JAZF1: variants seen among roughly 807,000 people sequenced by gnomAD.
JAZF1 encodes the protein juxtaposed with another zinc finger protein 1.
A neutral mutation model predicts 26.4 loss-of-function variants in JAZF1; 8 were observed. That is an observed-to-expected ratio of 0.30 (90% CI 0.18 to 0.55). JAZF1 has a LOEUF of 0.55. Among genes scored for constraint, JAZF1 ranks in the 20% least tolerant of loss-of-function variants. The probability of loss-of-function intolerance (pLI) is 0.94; values close to 1 mark genes in which losing one functional copy is unlikely to be tolerated. For missense variants in JAZF1, 199 were observed against 322.0 expected, an observed-to-expected ratio of 0.62 and a Z score of 2.92; for synonymous variants, 126 against 122.3, an observed-to-expected ratio of 1.03 and a Z score of -0.20.
At chr7:27,924,238 C>T (rs1405430266) in intron 2 of JAZF1, among the ~76,000 whole-genome samples, 5 of 152,134 alleles carry the variant, frequency 3.3e-5, no homozygotes, top group East Asian at 1.9e-4. Context: ...CCACCATGCC[C>T]GGCTGATTTT....
intron 1 of JAZF1, among the ~76,000 whole-genome samples, chr7:28,127,385 A>G (rs536411221): frequency 8.5e-5 from 13 of 152,318 alleles, no homozygotes; most frequent in African/African-American, 3.1e-4. Flanking sequence ...TCGTCTATCA[A>G]GTGGCCTAGC....
intron 2 of JAZF1, among the ~76,000 whole-genome samples, chr7:27,982,092 T>G (rs1478845190): frequency 1.3e-5 from 2 of 152,270 alleles, no homozygotes; most frequent in East Asian, 1.9e-4. Context: ...ACTGAGGTAC[T>G]GGGTTCATCT....
intron 1 of JAZF1, among the ~76,000 whole-genome samples, chr7:28,095,915 G>A (rs1275044920): frequency 2.0e-5 from 3 of 152,206 alleles, no homozygotes; most frequent in African/African-American, 7.2e-5. Context: ...GTCCTCACAC[G>A]GCTGAGACGG....
At chr7:28,068,038 G>A (rs1325690738) in intron 1 of JAZF1, among the ~76,000 whole-genome samples, 8 of 151,898 alleles carry the variant, frequency 5.3e-5, no homozygotes, top group East Asian at 3.9e-4. Context: ...CTCGGCCTCC[G>A]GAGTAGCTGG....
At chr7:27,856,902 A>G (rs1219038097) in intron 3 of JAZF1, among the ~76,000 whole-genome samples, 2 of 152,234 alleles carry the variant, frequency 1.3e-5, no homozygotes, top group Non-Finnish European at 2.9e-5. Flanking sequence ...TGAGCTAGAG[A>G]CAAAGTGCTG....
At chr7:27,938,612 A>T (rs531241933) in intron 2 of JAZF1, among the ~76,000 whole-genome samples, 2 of 152,300 alleles carry the variant, frequency 1.3e-5, no homozygotes, top group African/African-American at 4.8e-5. Context: ...AGTGCTTCAA[A>T]TGGTGCCTGG....
At chr7:28,058,156 A>G (rs1015040326) in intron 1 of JAZF1, among the ~76,000 whole-genome samples, 6 of 152,150 alleles carry the variant, frequency 3.9e-5, no homozygotes, top group African/African-American at 1.4e-4. Flanking sequence ...GGGGACACCA[A>G]TCACTCCTTC....
At chr7:27,982,324 G>A (rs1356447226) in intron 2 of JAZF1, among the ~76,000 whole-genome samples, 2 of 152,232 alleles carry the variant, frequency 1.3e-5, no homozygotes, top group African/African-American at 4.8e-5. Context: ...GGCTCAGAGG[G>A]TCCCACGCCC....
chr7:27,916,584 CAT>C (rs1322617751), intron 2 of JAZF1, among the ~76,000 whole-genome samples: 3 of 152,320 alleles, frequency 2.0e-5, no homozygotes, highest in Non-Finnish European at 2.9e-5. Flanking sequence ...TTACCTGACA[CAT>C]ATTTTCTCCT....
At chr7:28,062,342 T>C (rs933719025) in intron 1 of JAZF1, among the ~76,000 whole-genome samples, 2 of 152,278 alleles carry the variant, frequency 1.3e-5, no homozygotes, top group East Asian at 3.9e-4. Context: ...GACACTGTAA[T>C]GGCTCCAGAG....
intron 1 of JAZF1, among the ~76,000 whole-genome samples, chr7:28,051,313 T>C (rs1783612997): frequency 6.6e-6 from 1 of 151,712 alleles, no homozygotes; most frequent in Admixed American, 6.6e-5. Flanking sequence ...TTCCTCCACC[T>C]CCTGGGTTCA....
rs1376328390 is a variant in JAZF1 at position 28,170,432 on chromosome 7, TTG to T, written c.115+10029_115+10030del. ...GTGTGTATGTGTAGAGGGTTAGGTATTGTGTTTGTCAGGAGAACCTATCCCTA... is the reference window on the plus strand; with the variant it reads ...GTGTGTATGTGTAGAGGGTTAGGTATTGTTTGTCAGGAGAACCTATCCCTA... On this transcript the variant is annotated intron_variant, in intron 1 of 4. Coordinates refer to ENST00000283928, the MANE Select transcript of JAZF1 (RefSeq NM_175061.4). Among the ~76,000 whole-genome samples, 3 of 150,658 alleles carry T rather than the reference TTG, an allele frequency of 2.0e-5. 1 individual carries two copies.
intron 3 of JAZF1, among the ~76,000 whole-genome samples, chr7:27,882,844 G>C (rs1402741582): frequency 6.6e-6 from 1 of 152,184 alleles, no homozygotes; most frequent in East Asian, 1.9e-4. Flanking sequence ...GGACGGGGGT[G>C]TGGAGAAAAG....
intron 3 of JAZF1, among the ~76,000 whole-genome samples, chr7:27,853,832 G>C (rs1783195280): frequency 6.6e-6 from 1 of 152,208 alleles, no homozygotes; most frequent in Admixed American, 6.5e-5. Flanking sequence ...ATGAGGTGCT[G>C]AGAAGAATGT....
At chr7:27,836,509 G>A (rs1381578006) in intron 4 of JAZF1, among the ~76,000 whole-genome samples, 3 of 152,182 alleles carry the variant, frequency 2.0e-5, no homozygotes, top group African/African-American at 7.2e-5. Flanking sequence ...AGGCCTTCAT[G>A]TGTACAACAT....
intron 2 of JAZF1, among the ~76,000 whole-genome samples, chr7:27,987,790 T>G (rs1785762314): frequency 6.6e-6 from 1 of 152,252 alleles, no homozygotes; most frequent in African/African-American, 2.4e-5. Context: ...AGATTGTTAC[T>G]GTGTCTGTGT....
intron 1 of JAZF1, among the ~76,000 whole-genome samples, chr7:28,133,885 C>T (rs1221118470): frequency 1.3e-5 from 2 of 152,208 alleles, no homozygotes; most frequent in East Asian, 3.8e-4. Flanking sequence ...CTGACCCTAA[C>T]CAATGTTGTC....
intron 2 of JAZF1, among the ~76,000 whole-genome samples, chr7:27,925,095 AC>A (rs1382663996): frequency 6.6e-6 from 1 of 152,180 alleles, no homozygotes; most frequent in Admixed American, 6.5e-5. Flanking sequence ...TATTGAAAAC[AC>A]CTTTGGAAAA....
At chr7:27,987,477 G>A (rs1432765695) in intron 2 of JAZF1, among the ~76,000 whole-genome samples, 7 of 152,138 alleles carry the variant, frequency 4.6e-5, no homozygotes, top group Non-Finnish European at 8.8e-5. Flanking sequence ...CCGTCCAGGA[G>A]GTTGGGGGCA....
Sources: gnomAD v4.1 joint callset for allele counts (sites outside exome capture counted in the v4.1 genomes callset) on GRCh38, gnomAD v4.1.1 for gene constraint, MANE v1.5 for transcripts, NCBI Gene and HGNC (gene_info 2026-07-23, HGNC 2026-07-21) for gene names.